The following CPQ variants were observed in gnomAD, a reference collection of about 807,000 sequenced individuals.
The protein encoded by CPQ is Ser-Met dipeptidase.
In CPQ, 37 loss-of-function variants were observed where a neutral mutation model predicts 45.7. The ratio of observed to expected loss-of-function variants is 0.81; its 90% CI spans 0.62 to 1.07. The LOEUF (loss-of-function observed/expected upper bound fraction) is 1.07. Ranked by LOEUF, CPQ falls within the 50% of genes least tolerant of loss-of-function variation. The probability of loss-of-function intolerance (pLI) is 0.00; values close to 1 mark genes in which losing one functional copy is unlikely to be tolerated. For synonymous variants in CPQ, 186 were observed against 205.8 expected, an observed-to-expected ratio of 0.90 and a Z score of 0.82; for missense variants, 537 against 572.9, an observed-to-expected ratio of 0.94 and a Z score of 0.64.
At chr8:96,768,053 T>A (rs1297927946) in intron 1 of CPQ, among the ~76,000 whole-genome samples, 1 of 152,130 alleles carries the variant, frequency 6.6e-6, no homozygotes, top group African/African-American at 2.4e-5. Flanking sequence ...CCAAGTATCT[T>A]CCTAATTCCT....
At chr8:96,953,867 G>A (rs1813309538) in intron 4 of CPQ, among the ~76,000 whole-genome samples, 1 of 152,042 alleles carries the variant, frequency 6.6e-6, no homozygotes, top group Admixed American at 6.6e-5. Flanking sequence ...TATCCCCACT[G>A]AATTATCTTG....
rs1455566664 is a variant in CPQ at position 96,738,922 on chromosome 8, G to C, written c.-34-45942G>C. Among the ~76,000 whole-genome samples the C allele has an allele frequency of 2.2e-3, 334 of 150,868 alleles. 2 individuals carry two copies. Among genetic ancestry groups the C allele is most frequent in the African/African-American group, 7.2e-3 (295 of 40,808 alleles). On this transcript the variant is annotated intron_variant, in intron 1 of 7. Transcript: ENST00000220763. ...TGTGAATAATGCCGCAATAAACATA[G>C]GTGTGCATGTGTCTTTATAGCAGCA...
At chr8:96,734,852 C>T (rs929504868) in intron 1 of CPQ, among the ~76,000 whole-genome samples, 1 of 152,168 alleles carries the variant, frequency 6.6e-6, no homozygotes, top group Non-Finnish European at 1.5e-5. Flanking sequence ...TGATCTGGCT[C>T]TATTTATCTA....
chr8:96,830,401 T>A (rs1419953647), intron 2 of CPQ, among the ~76,000 whole-genome samples: 2 of 152,204 alleles, frequency 1.3e-5, no homozygotes, highest in African/African-American at 4.8e-5. Flanking sequence ...GACTACATGA[T>A]CCGTGCCAAT....
intron 7 of CPQ, among the ~76,000 whole-genome samples, chr8:97,096,030 C>T (rs888054338): frequency 5.3e-5 from 8 of 152,030 alleles, no homozygotes; most frequent in Non-Finnish European, 1.2e-4. Flanking sequence ...CAACAAATTT[C>T]CAGTGAAATT....
At chr8:97,043,798 G>T (rs1363018099) in intron 6 of CPQ, among the ~76,000 whole-genome samples, 7 of 152,190 alleles carry the variant, frequency 4.6e-5, no homozygotes. Flanking sequence ...CTTTAAGAAT[G>T]TTGAATATTG....
intron 1 of CPQ, among the ~76,000 whole-genome samples, chr8:96,677,523 AT>A (rs1369852017): frequency 6.6e-5 from 10 of 150,466 alleles, no homozygotes; most frequent in South Asian, 2.1e-4. Flanking sequence ...TGGGATTTGG[AT>A]TTTTTTTGAT....
chr8:96,807,777 A>T (rs2130826944), intron 2 of CPQ, among the ~76,000 whole-genome samples: 1 of 152,312 alleles, frequency 6.6e-6, no homozygotes, highest in Middle Eastern at 3.4e-3. Context: ...AGTGATATAA[A>T]ATACATAGGG....
chr8:96,716,441 C>T (rs1383938884), intron 1 of CPQ, among the ~76,000 whole-genome samples: 1 of 152,120 alleles, frequency 6.6e-6, no homozygotes, highest in Non-Finnish European at 1.5e-5. Context: ...AAGCAGTATA[C>T]ACTACTACAC....
intron 7 of CPQ, among the ~76,000 whole-genome samples, chr8:97,135,685 TC>T (rs1196819396): frequency 1.3e-5 from 2 of 152,158 alleles, no homozygotes; most frequent in African/African-American, 4.8e-5. Context: ...TATAATATAT[TC>T]CATGGCAATT....
chr8:96,689,242 G>A (rs545642757), intron 1 of CPQ, among the ~76,000 whole-genome samples: 8 of 152,098 alleles, frequency 5.3e-5, no homozygotes, highest in Non-Finnish European at 1.0e-4. Context: ...AAGCAGAAAA[G>A]GATAAATTTG....
At chr8:97,074,366 A>G (rs368844684) in intron 7 of CPQ, among the ~76,000 whole-genome samples, 5 of 152,360 alleles carry the variant, frequency 3.3e-5, no homozygotes, top group East Asian at 3.9e-4. Context: ...AGTTTTTGGT[A>G]TAGTACCAAG....
chr8:97,000,371 G>C (rs978362049), intron 5 of CPQ, among the ~76,000 whole-genome samples: 1 of 151,738 alleles, frequency 6.6e-6, no homozygotes, highest in Non-Finnish European at 1.5e-5. Flanking sequence ...TTATAGTTTT[G>C]GGTTTTACAT....
intron 5 of CPQ, among the ~76,000 whole-genome samples, chr8:96,971,585 T>G (rs1813680905): frequency 2.0e-5 from 3 of 152,206 alleles, no homozygotes; most frequent in Admixed American, 2.0e-4. Context: ...GAAGGGAGAC[T>G]AATGGCCCTG....
At chr8:96,858,447 G>C (rs1811882130) in intron 3 of CPQ, among the ~76,000 whole-genome samples, 1 of 152,148 alleles carries the variant, frequency 6.6e-6, no homozygotes, top group African/African-American at 2.4e-5. Context: ...AGCAGCGTCT[G>C]ATATCCTGCA....
intron 4 of CPQ, among the ~76,000 whole-genome samples, chr8:96,884,044 A>G (rs915895603): frequency 1.3e-5 from 2 of 152,196 alleles, no homozygotes; most frequent in African/African-American, 4.8e-5. Context: ...CCAATTGTTC[A>G]TTGGCACATT....
intron 6 of CPQ, among the ~76,000 whole-genome samples, chr8:97,042,983 C>T (rs1810158946): frequency 6.6e-6 from 1 of 151,464 alleles, no homozygotes; most frequent in Non-Finnish European, 1.5e-5. Flanking sequence ...GTGGAGAGTT[C>T]TGTAGATGTC....
intron 1 of CPQ, among the ~76,000 whole-genome samples, chr8:96,669,416 T>A (rs548918737): frequency 8.1e-4 from 123 of 152,274 alleles, no homozygotes; most frequent in Non-Finnish European, 1.5e-3. Flanking sequence ...GACTTGTACC[T>A]CTATCTGGCA....
At chr8:97,119,453 A>AAAT (rs1453029650) in intron 7 of CPQ, among the ~76,000 whole-genome samples, 1 of 151,862 alleles carries the variant, frequency 6.6e-6, no homozygotes, top group Admixed American at 6.6e-5. Flanking sequence ...TAAAAAAAAA[A>AAAT]AAAATGGTGG....
Sources: allele counts gnomAD v4.1 joint callset (sites outside exome capture counted in the v4.1 genomes callset), GRCh38; gene constraint gnomAD v4.1.1; transcripts MANE v1.5; gene names NCBI Gene and HGNC (gene_info 2026-07-23, HGNC 2026-07-21).